The following HEG1 variants were observed in gnomAD, a reference collection of about 807,000 sequenced individuals.
The protein encoded by HEG1 is heart development protein with EGF like domains 1.
A neutral mutation model predicts 125.6 loss-of-function variants in HEG1; 56 were observed. The ratio of observed to expected loss-of-function variants is 0.45; its 90% CI spans 0.36 to 0.56. HEG1 has a LOEUF of 0.56. HEG1 is among the 20% of genes least tolerant of loss of function. HEG1 has a pLI of 0.00. For synonymous variants in HEG1, 644 were observed against 668.5 expected, an observed-to-expected ratio of 0.96 and a Z score of 0.57; for missense variants, 1,523 against 1,670.0, an observed-to-expected ratio of 0.91 and a Z score of 1.53.
At chr3:125,032,213 T>C (rs1184477540) in intron 1 of HEG1, among the ~76,000 whole-genome samples, 1 of 152,216 alleles carries the variant, frequency 6.6e-6, no homozygotes, top group East Asian at 1.9e-4. Context: ...TCAATGGTTC[T>C]GAACATTTCT....
At chr3:125,054,934 G>A (rs961637474) in intron 1 of HEG1, among the ~76,000 whole-genome samples, 3 of 152,156 alleles carry the variant, frequency 2.0e-5, no homozygotes, top group African/African-American at 7.2e-5. Context: ...CTCTGCGTGG[G>A]ACAGGCGGTG....
chr3:125,054,533 A>G (rs1220936801), intron 1 of HEG1, among the ~76,000 whole-genome samples: 1 of 152,222 alleles, frequency 6.6e-6, no homozygotes, highest in East Asian at 1.9e-4. Context: ...TGAATTGTCA[A>G]TTATGCAGAC....
intron 4 of HEG1, among the ~76,000 whole-genome samples, chr3:125,020,191 G>A (rs537838640): frequency 6.6e-6 from 1 of 152,178 alleles, no homozygotes; most frequent in South Asian, 2.1e-4. Flanking sequence ...CTTTGGGAGG[G>A]CAAGGCAGGA....
chr3:124,978,596 T>C (rs1022585357), intron 14 of HEG1, among the ~76,000 whole-genome samples: 3 of 152,180 alleles, frequency 2.0e-5, no homozygotes, highest in Non-Finnish European at 4.4e-5. Context: ...TTGTTCCTCT[T>C]TGATAACTGT....
intron 1 of HEG1, among the ~76,000 whole-genome samples, chr3:125,052,796 A>C (rs1334779044): frequency 1.3e-5 from 2 of 152,214 alleles, no homozygotes; most frequent in African/African-American, 4.8e-5. Flanking sequence ...CTATATAAAC[A>C]GGGAGCTGCT....
At chr3:125,032,383 G>C (rs78638052) in intron 1 of HEG1, among the ~76,000 whole-genome samples, 1 of 152,320 alleles carries the variant, frequency 6.6e-6, no homozygotes, top group East Asian at 1.9e-4. Flanking sequence ...CTCCTGTTCT[G>C]TTTCCTGTGG....
rs1937179430 is a variant in HEG1 at position 125,012,977 on chromosome 3, T to C, written c.2602A>G (p.Thr868Ala). 1.9e-6 allele frequency: 3 copies of C among 1,613,964 alleles called. No individual in the cohort carries two copies. Among genetic ancestry groups the C allele is most frequent in the African/African-American group, 1.3e-5 (1 of 74,942 alleles). ...GTLSSTASLV[T>A]GPIAVQTTAG... ...GTAGTCTGTACGGCTATAGGGCCAG[T>C]GACCAGAGATGCTGTGCTTGACAGG... Residue 868 changes from threonine to alanine, a missense_variant, in exon 6 of 17, where the codon ACT (threonine) becomes GCT (alanine). By Grantham distance (58) the Thr-to-Ala change is moderately conservative (BLOSUM62 0). Coordinates refer to ENST00000311127, the MANE Select transcript of HEG1 (RefSeq NM_020733.2).
At chr3:124,981,867 C>T (rs966838370) in intron 14 of HEG1, among the ~76,000 whole-genome samples, 1 of 152,136 alleles carries the variant, frequency 6.6e-6, no homozygotes, top group African/African-American at 2.4e-5. Flanking sequence ...CACACACACA[C>T]ACCCCTCCCT....
At chr3:124,978,135 T>A (rs1003278293) in intron 14 of HEG1, among the ~76,000 whole-genome samples, 189 bp from the exon 15 acceptor site, 2 of 151,626 alleles carry the variant, frequency 1.3e-5, no homozygotes, top group Non-Finnish European at 2.9e-5. Flanking sequence ...TTGAGAAGAG[T>A]TTTTTGTTGT....
At chr3:125,039,884 A>G (rs1387058091) in intron 1 of HEG1, among the ~76,000 whole-genome samples, 1 of 151,988 alleles carries the variant, frequency 6.6e-6, no homozygotes, top group Non-Finnish European at 1.5e-5. Context: ...CAAAAAGCCA[A>G]ACTGCAGCTT....
intron 5 of HEG1, among the ~76,000 whole-genome samples, chr3:125,017,089 T>C (rs1191876883): frequency 6.6e-6 from 1 of 152,116 alleles, no homozygotes; most frequent in Non-Finnish European, 1.5e-5. Context: ...CAGGGTCTGT[T>C]TGTCACCCAG....
chr3:125,042,455 T>C (rs1274971566), intron 1 of HEG1, among the ~76,000 whole-genome samples: 1 of 152,190 alleles, frequency 6.6e-6, no homozygotes, highest in African/African-American at 2.4e-5. Context: ...TAAAAAAGTA[T>C]GTATTTACTG....
chr3:124,970,788 CT>C lies in HEG1; in HGVS notation c.4009del (p.Arg1337GlyfsTer56). 6.2e-7 allele frequency: 1 copy of C among 1,609,496 alleles called. No individual in the cohort carries two copies. On this transcript the variant is annotated frameshift_variant, in exon 17 of 17. Transcript: ENST00000311127. LOFTEE classifies it high-confidence loss of function. ...TDVYYSPTSV[R>X]NPELERNGLY... ...TCCGTTTCGTTCAAGTTCTGGATTC[CT>C]TACACTTGTAGGCTGGTTGCCAAAG...
intron 1 of HEG1, among the ~76,000 whole-genome samples, chr3:125,034,331 C>T (rs1162322831): frequency 6.6e-6 from 1 of 151,488 alleles, no homozygotes; most frequent in Non-Finnish European, 1.5e-5. Context: ...AATTACCAGA[C>T]AAAGAAGTAT....
At chr3:125,047,230 C>T (rs1252257314) in intron 1 of HEG1, among the ~76,000 whole-genome samples, 1 of 152,236 alleles carries the variant, frequency 6.6e-6, no homozygotes, top group Non-Finnish European at 1.5e-5. Context: ...GCCTGGAAGG[C>T]AAGGTGCGAT....
intron 3 of HEG1, among the ~76,000 whole-genome samples, chr3:125,023,746 C>T (rs529005692): frequency 4.7e-4 from 72 of 152,272 alleles, no homozygotes; most frequent in South Asian, 2.1e-3. Context: ...ATTTCTACCC[C>T]GAAAGCAGCC....
rs1936400893 is a variant in HEG1, at chr3:124,970,201, T to C, written c.*451A>G. 1.3e-5 allele frequency: 2 copies of C among 155,510 alleles called. No individual in the cohort carries two copies. Among genetic ancestry groups the C allele is most frequent in the Non-Finnish European group, 2.8e-5 (2 of 70,418 alleles). The allele number at this position is 155,510 out of a possible 1,614,324, so 9.6% of individuals were successfully genotyped here. Reference sequence around the variant, plus strand: ...TAACAAGCCAGTATTTTGCTGCAAATGAATCACCAAATTGCTGCCTATGGA... The same window carrying C: ...TAACAAGCCAGTATTTTGCTGCAAACGAATCACCAAATTGCTGCCTATGGA... On this transcript the variant is annotated 3_prime_UTR_variant, in exon 17 of 17. Coordinates refer to ENST00000311127, the MANE Select transcript of HEG1 (RefSeq NM_020733.2).
At chr3:125,019,772 G>T (rs919110143) in intron 4 of HEG1, among the ~76,000 whole-genome samples, 175 bp from the exon 5 acceptor site, 1 of 152,164 alleles carries the variant, frequency 6.6e-6, no homozygotes, top group African/African-American at 2.4e-5. Flanking sequence ...ACTCTTGGGT[G>T]GCAGCAAGAG....
chr3:125,016,746 G>A (rs926960008), intron 5 of HEG1, among the ~76,000 whole-genome samples: 5 of 152,214 alleles, frequency 3.3e-5, no homozygotes, highest in Admixed American at 1.3e-4. Context: ...GCTATAACTA[G>A]TGATGGAGAA....
Sources: allele counts gnomAD v4.1 joint callset (sites outside exome capture counted in the v4.1 genomes callset), GRCh38; gene constraint gnomAD v4.1.1; transcripts MANE v1.5; gene names NCBI Gene and HGNC (gene_info 2026-07-23, HGNC 2026-07-21).